Variants in FMNL3 observed in about 807,000 individuals in gnomAD.
The protein encoded by FMNL3 is formin like 3.
A neutral mutation model predicts 119.6 loss-of-function variants in FMNL3; 57 were observed. The ratio of observed to expected loss-of-function variants is 0.48; its 90% CI spans 0.39 to 0.59. FMNL3 has a LOEUF of 0.59. Ranked by LOEUF, FMNL3 falls within the 20% of genes least tolerant of loss-of-function variation. The pLI is 0.00. For synonymous variants in FMNL3, 491 were observed against 507.3 expected (o/e 0.97, Z 0.43); for missense variants, 1,053 against 1,323.5 (o/e 0.80, Z 3.17).
Position 49,641,874 on chromosome 12 carries a change from G to A in FMNL3, c.*3941C>T. ...CTGCCAGCTTTGGCCTCAGGCACGT[G>A]GTGCCCCTGCTTCATGCACTGCTGT... On this transcript the variant is annotated 3_prime_UTR_variant, in exon 26 of 26. Transcript: ENST00000335154. 6.3e-7 allele frequency: 1 copy of A among 1,589,970 alleles called. No individual in the cohort carries two copies. Among genetic ancestry groups the A allele is most frequent in the Non-Finnish European group, 8.6e-7 (1 of 1,160,916 alleles).
chr12:49,685,675 T>C (rs1245182246), intron 1 of FMNL3, among the ~76,000 whole-genome samples: 2 of 152,170 alleles, frequency 1.3e-5, no homozygotes, highest in African/African-American at 4.8e-5. Context: ...AGAAAAACAG[T>C]CTCTACCCTT....
In FMNL3 at chr12:49,643,836, G is replaced by A. The variant is rs769996631; in HGVS notation, c.*1979C>T. 8 of 1,614,050 alleles carry A rather than the reference G, an allele frequency of 5.0e-6. No homozygotes were observed. On this transcript the variant is annotated 3_prime_UTR_variant, in exon 26 of 26. Transcript: ENST00000335154. ...CTCCCAGGCTATCCACAGGAACTGA[G>A]GAGGTGGGCTCTGGACTCTTACAGA...
intron 1 of FMNL3, among the ~76,000 whole-genome samples, chr12:49,690,594 G>A (rs1362514592): frequency 2.0e-5 from 3 of 152,168 alleles, no homozygotes. Flanking sequence ...AATAGCAGAT[G>A]TCCTAGTAGG....
At position 49,653,425 on chromosome 12, in the gene FMNL3, C is replaced by CAAGGCCACA. The variant is rs556529589; in HGVS notation, c.1222-107_1222-99dup. On this transcript the variant is annotated intron_variant, in intron 12 of 25. Transcript: ENST00000335154. ...AAGACCTGAGTCGGACCCCTCAACA[C>CAAGGCCACA]AAGGCCACAAAGGCAGCTTAGTCAG... 9 of 1,248,278 alleles carry CAAGGCCACA rather than the reference C, an allele frequency of 7.2e-6. No individual in the cohort carries two copies. The South Asian group carries it at 1.1e-4, about 15-fold the overall frequency. The allele number at this position is 1,248,278 out of a possible 1,614,324, so 77.3% of individuals were successfully genotyped here. A position where few individuals can be genotyped will look rare whatever the true frequency, so the allele number is the denominator to read the frequency against.
intron 4 of FMNL3, among the ~76,000 whole-genome samples, chr12:49,665,009 T>G (rs1943848829): frequency 2.0e-5 from 3 of 150,930 alleles, no homozygotes; most frequent in Admixed American, 1.3e-4. Flanking sequence ...TACCCCTGCC[T>G]GCAGTTCTAC....
At chr12:49,655,021 C>T (rs376930456) in intron 9 of FMNL3, 37 bp from the exon 10 acceptor site, 158 of 1,593,486 alleles carry the variant, frequency 9.9e-5, no homozygotes, top group Admixed American at 6.0e-4. Flanking sequence ...AGGATCTGCT[C>T]CATGCAGAAC....
Position 49,644,136 on chromosome 12 carries a change from G to A in FMNL3, c.*1679C>T, listed in dbSNP as rs1464587826. The A allele has an allele frequency of 1.9e-6, 3 of 1,614,164 alleles. No homozygotes were observed. The highest frequency in any genetic ancestry group is 2.2e-5 in the South Asian group (2 of 91,082). ...CACGTCAGAAAGTGAGCTGAGTGAG[G>A]GTGAGCTGGAGAGGCGGCGGCGGAC... On this transcript the variant is annotated 3_prime_UTR_variant, in exon 26 of 26. Coordinates refer to ENST00000335154, the MANE Select transcript of FMNL3 (RefSeq NM_175736.5).
intron 1 of FMNL3, among the ~76,000 whole-genome samples, chr12:49,672,465 T>C (rs1302867226): frequency 6.6e-6 from 1 of 152,228 alleles, no homozygotes; most frequent in African/African-American, 2.4e-5. Context: ...TAAAAATCTA[T>C]AATGGGAAGA....
intron 1 of FMNL3, among the ~76,000 whole-genome samples, chr12:49,690,692 A>C (rs1216652667): frequency 1.3e-5 from 2 of 152,232 alleles, no homozygotes; most frequent in African/African-American, 4.8e-5. Flanking sequence ...TTGTTCGGTA[A>C]ACTTTCCCCT....
chr12:49,643,886 C>A lies in FMNL3; in HGVS notation c.*1929G>T, dbSNP rs148333441. On this transcript the variant is annotated 3_prime_UTR_variant, in exon 26 of 26. Transcript: ENST00000335154. Reference sequence around the variant, plus strand: ...AATAGTCCTGAGAGTGAGACAGACCCTGAGGAGAAAGCTGGCAAGGAGAGC... The same window carrying A: ...AATAGTCCTGAGAGTGAGACAGACCATGAGGAGAAAGCTGGCAAGGAGAGC... The A allele has an allele frequency of 1.1e-5, 18 of 1,614,046 alleles. No individual in the cohort carries two copies. The highest frequency in any genetic ancestry group is 1.5e-5 in the Non-Finnish European group (18 of 1,180,032).
At position 49,643,067 on chromosome 12, in the gene FMNL3, A is replaced by T; in HGVS notation, c.*2748T>A. 1.2e-6 allele frequency: 2 copies of T among 1,602,126 alleles called. No homozygotes were observed. Among genetic ancestry groups the T allele is most frequent in the Non-Finnish European group, 1.7e-6 (2 of 1,170,468 alleles). The stretch of plus-strand genomic sequence containing the variant: ...GGGGTGAAGCTGGGTTGTTTTGGGG[A>T]AATAAACACTTTGTTTTCCCCTTAC... On this transcript the variant is annotated 3_prime_UTR_variant, in exon 26 of 26. Coordinates refer to ENST00000335154, the MANE Select transcript of FMNL3 (RefSeq NM_175736.5).
At chr12:49,664,845 G>A (rs1002356919) in intron 4 of FMNL3, among the ~76,000 whole-genome samples, 3 of 152,130 alleles carry the variant, frequency 2.0e-5, no homozygotes, top group Non-Finnish European at 2.9e-5. Flanking sequence ...GGGCGGATGA[G>A]GGCTGCTGCT....
In FMNL3 at chr12:49,641,892, A is replaced by G. The variant is rs1187782721; in HGVS notation, c.*3923T>C. 9.9e-6 allele frequency: 16 copies of G among 1,610,334 alleles called. No homozygotes were observed. The highest frequency in any genetic ancestry group is 1.4e-5 in the Non-Finnish European group (16 of 1,178,330). ...GGCACGTGGTGCCCCTGCTTCATGC[A>G]CTGCTGTACCCACAGGACCGGGGCT... On this transcript the variant is annotated 3_prime_UTR_variant, in exon 26 of 26. Coordinates refer to ENST00000335154, the MANE Select transcript of FMNL3 (RefSeq NM_175736.5).
intron 1 of FMNL3, among the ~76,000 whole-genome samples, chr12:49,673,887 C>T (rs182021696): frequency 6.6e-6 from 1 of 152,216 alleles, no homozygotes; most frequent in South Asian, 2.1e-4. Flanking sequence ...AACTGCAATC[C>T]TTTGTAAAAG....
At chr12:49,670,643 A>G (rs1364557248) in intron 1 of FMNL3, among the ~76,000 whole-genome samples, 2 of 152,226 alleles carry the variant, frequency 1.3e-5, no homozygotes, top group African/African-American at 4.8e-5. Flanking sequence ...ACCTCTCCCC[A>G]TGGTTCCTGC....
At chr12:49,684,278 CTCAGT>C in intron 1 of FMNL3, among the ~76,000 whole-genome samples, 1 of 152,264 alleles carries the variant, frequency 6.6e-6, no homozygotes, top group South Asian at 2.1e-4. Context: ...CTTAACCATT[CTCAGT>C]TCACCACCTC....
At position 49,642,969 on chromosome 12, in the gene FMNL3, G is replaced by A; in HGVS notation, c.*2846C>T. 1.2e-6 allele frequency: 2 copies of A among 1,613,830 alleles called. No individual in the cohort carries two copies. The highest frequency in any genetic ancestry group is 1.7e-6 in the Non-Finnish European group (2 of 1,179,854). ...CCTCCACACCAAAGGCCGAAAGCAT[G>A]GCAGGAAAGGCAAGAAGCACCATCA... On this transcript the variant is annotated 3_prime_UTR_variant, in exon 26 of 26. Coordinates refer to ENST00000335154, the MANE Select transcript of FMNL3 (RefSeq NM_175736.5). The surrounding 1 kb of genome is among the most constrained non-coding windows in gnomAD (Gnocchi z 5.8).
intron 10 of FMNL3, 45 bp downstream of exon 10, chr12:49,654,865 C>G: frequency 6.3e-7 from 1 of 1,584,254 alleles, no homozygotes; most frequent in Non-Finnish European, 8.6e-7. Flanking sequence ...GGAACACACA[C>G]ACAGCCCTGG....
In FMNL3 at chr12:49,639,462, C is replaced by T. The variant is rs1027485097; in HGVS notation, c.*6353G>A. On this transcript the variant is annotated 3_prime_UTR_variant, in exon 26 of 26. Coordinates refer to ENST00000335154, the MANE Select transcript of FMNL3 (RefSeq NM_175736.5). ...GAATCTTGTAGGAGGTGATCCTAGC[C>T]GGGGGCAGTGGGGACAGCAGAAGAG... 3 of 152,222 alleles carry T rather than the reference C, an allele frequency of 2.0e-5. No individual in the cohort carries two copies. The highest frequency in any genetic ancestry group is 6.6e-5 in the Admixed American group (1 of 15,244). The allele number at this position is 152,222 out of a possible 1,614,324, so 9.4% of individuals were successfully genotyped here.
Sources: gnomAD v4.1 joint callset for allele counts (sites outside exome capture counted in the v4.1 genomes callset) on GRCh38, gnomAD v4.1.1 for gene constraint, Gnocchi (gnomAD v3.1) non-coding constraint, MANE v1.5 for transcripts, NCBI Gene and HGNC (gene_info 2026-07-23, HGNC 2026-07-21) for gene names.